The following TLR4 variants were observed in gnomAD, a reference collection of about 807,000 sequenced individuals.
TLR4 encodes toll-like receptor 4.
A neutral mutation model predicts 27.4 loss-of-function variants in TLR4; 17 were observed. The observed-to-expected ratio is 0.62, with a 90% CI of 0.42 to 0.93. TLR4 has a LOEUF of 0.93. TLR4 is among the 40% of genes least tolerant of loss of function. The pLI, the probability that TLR4 is intolerant of heterozygous loss-of-function variation, is 0.00. For missense variants in TLR4, 926 were observed against 962.3 expected (o/e 0.96, Z 0.50); for synonymous variants, 363 against 365.7 (o/e 0.99, Z 0.08).
rs375037549 is a variant in TLR4, at chr9:117,708,616, C to G, written c.147C>G (p.Pro49=). The change falls in exon 2 of 3, where the codon CCC becomes CCG. Residue 49 remains proline, a synonymous_variant. Transcript: ENST00000355622. ...QCMELNFYKI[P]DNLPFSTKNL... is the part of the protein sequence containing the mutation. Reference sequence around the variant, plus strand: ...TGGAGCTGAATTTCTACAAAATCCCCGACAACCTCCCCTTCTCAACCAAGA... The same window carrying G: ...TGGAGCTGAATTTCTACAAAATCCCGGACAACCTCCCCTTCTCAACCAAGA... 12 of 1,613,810 alleles carry G rather than the reference C, an allele frequency of 7.4e-6. No individual in the cohort carries two copies. The East Asian group carries it at 2.2e-4, about 30-fold the overall frequency.
At chr9:117,707,400 T>A (rs906019883) in intron 1 of TLR4, among the ~76,000 whole-genome samples, 7 of 152,208 alleles carry the variant, frequency 4.6e-5, no homozygotes, top group Non-Finnish European at 1.0e-4. Context: ...GGTAAGGGAT[T>A]AATGATAGAT....
chr9:117,707,232 G>A (rs755919904), intron 1 of TLR4, among the ~76,000 whole-genome samples: 4 of 152,158 alleles, frequency 2.6e-5, no homozygotes, highest in Non-Finnish European at 5.9e-5. Context: ...TCCATGGCTT[G>A]CAACATTTAA....
At chr9:117,704,599 C>T in intron 1 of TLR4, 34 bp downstream of exon 1, 1 of 1,585,528 alleles carries the variant, frequency 6.3e-7, no homozygotes, top group Non-Finnish European at 8.7e-7. Context: ...CTGAACTTTC[C>T]CTCACTTCTG....
rs1032515736 is a variant in TLR4 at position 117,723,907 on chromosome 9, A to C, written c.*9259A>C. 6.6e-5 allele frequency: 10 copies of C among 152,210 alleles called. No individual in the cohort carries two copies. Among genetic ancestry groups the C allele is most frequent in the African/African-American group, 2.4e-4 (10 of 41,454 alleles). 9.4% of individuals were successfully genotyped at this position (152,210 alleles called of 1,614,324 possible). A position where few individuals can be genotyped will look rare whatever the true frequency, so the allele number is the denominator to read the frequency against. Reference sequence around the variant, plus strand: ...CTACACTGTTAGTCACAGAGGTACCATTCGACCCCTTGTGCCTCTTACCAT... The same window carrying C: ...CTACACTGTTAGTCACAGAGGTACCCTTCGACCCCTTGTGCCTCTTACCAT... On this transcript the variant is annotated 3_prime_UTR_variant, in exon 3 of 3. Coordinates refer to ENST00000355622, the MANE Select transcript of TLR4 (RefSeq NM_138554.5).
rs1260652989 is a variant in TLR4 at position 117,712,453 on chromosome 9, T to C, written c.325T>C (p.Leu109=). The change falls in exon 3 of 3, where the codon TTG becomes CTG. Residue 109 remains leucine, a synonymous_variant. Transcript: ENST00000355622. ...QSLSHLSTLI[L]TGNPIQSLAL... ...CCTAAGCCACCTCTCTACCTTAATA[T>C]TGACAGGAAACCCCATCCAGAGTTT... 6.2e-7 allele frequency: 1 copy of C among 1,613,778 alleles called. No homozygotes were observed. Among genetic ancestry groups the C allele is most frequent in the African/African-American group, 1.3e-5 (1 of 74,898 alleles).
In TLR4 at chr9:117,714,447, G is replaced by A. The variant is rs1461118385; in HGVS notation, c.2319G>A (p.Lys773=). 6.2e-7 allele frequency: 1 copy of A among 1,613,904 alleles called. No individual in the cohort carries two copies. Among genetic ancestry groups the A allele is most frequent in the Non-Finnish European group, 8.5e-7 (1 of 1,179,990 alleles). The change falls in exon 3 of 3, where the codon AAG becomes AAA. Residue 773 remains lysine, a synonymous_variant. Transcript: ENST00000355622. ...GTATCATCTTCATTGTCCTGCAGAA[G>A]GTGGAGAAGACCCTGCTCAGGCAGC... ...RAGIIFIVLQ[K]VEKTLLRQQV...
Position 117,721,239 on chromosome 9 carries a change from C to T in TLR4, c.*6591C>T, listed in dbSNP as rs2131180730. ...TTTCTCATCCCTTAACCCCTTCCCA[C>T]CTTTCTGAGTCCTCAATGTCTGTTA... is the stretch of plus-strand genomic sequence containing the variant. On this transcript the variant is annotated 3_prime_UTR_variant, in exon 3 of 3. Coordinates refer to ENST00000355622, the MANE Select transcript of TLR4 (RefSeq NM_138554.5). The T allele has an allele frequency of 6.6e-6, 1 of 152,330 alleles. No individual in the cohort carries two copies. The highest frequency in any genetic ancestry group is 1.9e-4 in the East Asian group (1 of 5,186). 9.4% of individuals were successfully genotyped at this position (152,330 alleles called of 1,614,324 possible).
chr9:117,704,663 A>G (rs913172182), intron 1 of TLR4, 98 bp downstream of exon 1: 2 of 883,594 alleles, frequency 2.3e-6, no homozygotes, highest in Non-Finnish European at 1.8e-6. Flanking sequence ...AAAAAAAAAA[A>G]GAGTTAAATT....
rs1330882938 is a variant in TLR4, at chr9:117,704,582, A to G, written c.93+17A>G. 3.1e-6 allele frequency: 5 copies of G among 1,610,816 alleles called. No homozygotes were observed. In the African/African-American group the frequency reaches 5.3e-5, roughly 17 times the overall value. ...TGCGTGGAGGTATGTGGCTGGAGTC[A>G]GCTCCTCTGAACTTTCCCTCACTTC... is the stretch of plus-strand genomic sequence containing the variant. On this transcript the variant is annotated intron_variant, in intron 1 of 2. Coordinates refer to ENST00000355622, the MANE Select transcript of TLR4 (RefSeq NM_138554.5).
chr9:117,720,738 A>G lies in TLR4; in HGVS notation c.*6090A>G. 1 of 152,190 alleles carries G rather than the reference A, an allele frequency of 6.6e-6. No individual in the cohort carries two copies. Among genetic ancestry groups the G allele is most frequent in the Non-Finnish European group, 1.5e-5 (1 of 68,052 alleles). The allele number at this position is 152,190 out of a possible 1,614,324, so 9.4% of individuals were successfully genotyped here. A position where few individuals can be genotyped will look rare whatever the true frequency, so the allele number is the denominator to read the frequency against. Reference sequence around the variant, plus strand: ...TCATACTAACAACACCCCATTTCCCATGGGCCAAGCAAGGCAGGACTGACC... The same window carrying G: ...TCATACTAACAACACCCCATTTCCCGTGGGCCAAGCAAGGCAGGACTGACC... On this transcript the variant is annotated 3_prime_UTR_variant, in exon 3 of 3. Coordinates refer to ENST00000355622, the MANE Select transcript of TLR4 (RefSeq NM_138554.5).
Position 117,716,344 on chromosome 9 carries a change from A to G in TLR4, c.*1696A>G, listed in dbSNP as rs2853568. 1 of 152,298 alleles carries G rather than the reference A, an allele frequency of 6.6e-6. No individual in the cohort carries two copies. The highest frequency in any genetic ancestry group is 1.5e-5 in the Non-Finnish European group (1 of 68,016). 9.4% of individuals were successfully genotyped at this position (152,298 alleles called of 1,614,324 possible). On this transcript the variant is annotated 3_prime_UTR_variant, in exon 3 of 3. Coordinates refer to ENST00000355622, the MANE Select transcript of TLR4 (RefSeq NM_138554.5). ...TCCATTGAAAAATAAATGGACAAAG[A>G]AAATGTGCATATACGTACAATGGGA...
Position 117,713,174 on chromosome 9 carries a change from A to G in TLR4, c.1046A>G (p.Lys349Arg). The change falls in exon 3 of 3, where the codon AAA (lysine) becomes AGA (arginine). Residue 349 changes from lysine to arginine, a missense_variant. By Grantham distance (26) the Lys-to-Arg change is conservative. Coordinates refer to ENST00000355622, the MANE Select transcript of TLR4 (RefSeq NM_138554.5). ...NCKFGQFPTL[K>R]LKSLKRLTFT... ...AAATTTGGACAGTTTCCCACATTGAAACTCAAATCTCTCAAAAGGCTTACT... is the reference window on the plus strand; with the variant it reads ...AAATTTGGACAGTTTCCCACATTGAGACTCAAATCTCTCAAAAGGCTTACT... 1 of 1,614,008 alleles carries G rather than the reference A, an allele frequency of 6.2e-7. No homozygotes were observed.
chr9:117,715,526 C>T lies in TLR4; in HGVS notation c.*878C>T, dbSNP rs199516561. On this transcript the variant is annotated 3_prime_UTR_variant, in exon 3 of 3. Transcript: ENST00000355622. ...CTCTTTTAAACGGGAAGAAAATTTC[C>T]GCTTCCTGGTCTTATCATGGACAAT... 4.6e-5 allele frequency: 7 copies of T among 152,106 alleles called. No homozygotes were observed. The highest frequency in any genetic ancestry group is 8.8e-5 in the Non-Finnish European group (6 of 68,026). The allele number at this position is 152,106 out of a possible 1,614,324, so 9.4% of individuals were successfully genotyped here. A position where few individuals can be genotyped will look rare whatever the true frequency, so the allele number is the denominator to read the frequency against.
chr9:117,708,282 A>G, intron 1 of TLR4: 8 of 1,214,956 alleles, frequency 6.6e-6, no homozygotes, highest in Non-Finnish European at 3.1e-6. Flanking sequence ...CCCCGATTCC[A>G]TTGCTTCTTG....
At chr9:117,711,686 A>G (rs909492076) in intron 2 of TLR4, among the ~76,000 whole-genome samples, 3 of 151,866 alleles carry the variant, frequency 2.0e-5, no homozygotes, top group Non-Finnish European at 4.4e-5. Flanking sequence ...ACTTCTACTC[A>G]TCTTTCAATT....
At chr9:117,705,592 G>T (rs999884091) in intron 1 of TLR4, among the ~76,000 whole-genome samples, 2 of 151,984 alleles carry the variant, frequency 1.3e-5, no homozygotes, top group African/African-American at 4.8e-5. Context: ...ACCTTTTCCT[G>T]TCAGTCCCTG....
In TLR4 at chr9:117,714,970, C is replaced by G. The variant is rs1588095976; in HGVS notation, c.*322C>G. ...AACAGAAAGAGACATTGTTCTTTTC[C>G]TGAGTCTTTTGAATGGAAATTGTAT... On this transcript the variant is annotated 3_prime_UTR_variant, in exon 3 of 3. Coordinates refer to ENST00000355622, the MANE Select transcript of TLR4 (RefSeq NM_138554.5). The G allele has an allele frequency of 5.3e-6, 2 of 375,100 alleles. No individual in the cohort carries two copies. Among genetic ancestry groups the G allele is most frequent in the South Asian group, 5.8e-5 (2 of 34,408 alleles). The allele number at this position is 375,100 out of a possible 1,614,324, so 23.2% of individuals were successfully genotyped here.
intron 1 of TLR4, among the ~76,000 whole-genome samples, chr9:117,707,184 C>T (rs1035869095): frequency 2.6e-5 from 4 of 152,096 alleles, no homozygotes; most frequent in Non-Finnish European, 4.4e-5. Context: ...GAAAGAGTGC[C>T]TGGCACTGTT....
At position 117,704,479 on chromosome 9, in the gene TLR4, T is replaced by A; in HGVS notation, c.7T>A (p.Ser3Thr). ...CAGTGAGGATGATGCCAGGATGATG[T>A]CTGCCTCGCGCCTGGCTGGGACTCT... The part of the protein sequence containing the change: MM[S>T]ASRLAGTLIP... Residue 3 changes from serine (S) to threonine (T), a missense_variant, in exon 1 of 3, where the codon TCT becomes ACT. Ser to Thr is a moderately conservative substitution (Grantham distance 58). Coordinates refer to ENST00000355622, the MANE Select transcript of TLR4 (RefSeq NM_138554.5). 1 of 1,613,078 alleles carries A rather than the reference T, an allele frequency of 6.2e-7. No homozygotes were observed.
Sources: allele counts gnomAD v4.1 joint callset (sites outside exome capture counted in the v4.1 genomes callset), GRCh38; gene constraint gnomAD v4.1.1; transcripts MANE v1.5; gene names NCBI Gene and HGNC (gene_info 2026-07-23, HGNC 2026-07-21).